The following NRCAM variants were observed in gnomAD, a reference collection of about 807,000 sequenced individuals.
The protein encoded by NRCAM is neuronal cell adhesion molecule.
A neutral mutation model predicts 156.5 loss-of-function variants in NRCAM; 83 were observed. The ratio of observed to expected loss-of-function variants is 0.53; its 90% CI spans 0.44 to 0.64. The LOEUF is 0.64. Among genes scored for constraint, NRCAM ranks in the 30% least tolerant of loss-of-function variants. The probability of loss-of-function intolerance (pLI) is 0.00; values close to 1 mark genes in which losing one functional copy is unlikely to be tolerated. For synonymous variants in NRCAM, 538 were observed against 563.9 expected (o/e 0.95, Z 0.65); for missense variants, 1,417 against 1,597.3 (o/e 0.89, Z 1.92).
chr7:108,264,158 A>G (rs2096993103), intron 3 of NRCAM, among the ~76,000 whole-genome samples: 1 of 14,736 alleles, frequency 6.8e-5, no homozygotes. Flanking sequence ...TTGTATTTTT[A>G]GTAGAGATAG....
chr7:108,395,216 C>T (rs1305311118), intron 2 of NRCAM, among the ~76,000 whole-genome samples: 1 of 152,200 alleles, frequency 6.6e-6, no homozygotes, highest in African/African-American at 2.4e-5. Context: ...TTCTCATTTT[C>T]ATGAGTAGCA....
At chr7:108,165,070 A>G (rs2053000627) in intron 30 of NRCAM, among the ~76,000 whole-genome samples, 1 of 152,214 alleles carries the variant, frequency 6.6e-6, no homozygotes, top group Admixed American at 6.5e-5. Context: ...TTTTAACAAC[A>G]GGTCATTTTT....
At chr7:108,303,148 G>A (rs1051900019) in intron 3 of NRCAM, among the ~76,000 whole-genome samples, 1 of 152,036 alleles carries the variant, frequency 6.6e-6, no homozygotes, top group Non-Finnish European at 1.5e-5. Context: ...TTTTAGTAGA[G>A]ATGGGGTTTC....
chr7:108,286,248 G>A (rs542318634), intron 3 of NRCAM, among the ~76,000 whole-genome samples: 43 of 152,302 alleles, frequency 2.8e-4, no homozygotes, highest in Non-Finnish European at 5.1e-4. Context: ...AGGGACAGGT[G>A]TGGCCAGCAG....
chr7:108,431,830 C>CA (rs761987178), intron 1 of NRCAM, among the ~76,000 whole-genome samples: 1 of 152,096 alleles, frequency 6.6e-6, no homozygotes, highest in Non-Finnish European at 1.5e-5. Flanking sequence ...AAGCATAACC[C>CA]AAAATGGGAC....
rs566185059 is a variant in NRCAM at position 108,319,171 on chromosome 7, G to T, written c.-173-6440C>A. The stretch of plus-strand genomic sequence containing the variant: ...TATATATTTTACCACAATAAAAAAG[G>T]AAAACATGGCTATAAACTTCCTTCC... On this transcript the variant is annotated intron_variant, in intron 2 of 32. Transcript: ENST00000379028. Among the ~76,000 whole-genome samples the T allele has an allele frequency of 1.2e-4, 19 of 152,250 alleles. No individual in the cohort carries two copies. The South Asian group carries it at 2.7e-3, about 22-fold the overall frequency.
intron 1 of NRCAM, among the ~76,000 whole-genome samples, chr7:108,420,039 C>CGTGTGTGTGT (rs35840496): frequency 1.2e-3 from 177 of 146,742 alleles, no homozygotes; most frequent in South Asian, 3.5e-3. Flanking sequence ...TTAGTTCCAT[C>CGTGTGTGTGT]GTGTGTGTGT....
intron 3 of NRCAM, among the ~76,000 whole-genome samples, chr7:108,275,535 T>C (rs1325992847): frequency 6.6e-6 from 1 of 152,234 alleles, no homozygotes. Context: ...GAGGTGTTTA[T>C]AGTATTCTCT....
At chr7:108,264,062 C>G (rs758237059) in intron 3 of NRCAM, among the ~76,000 whole-genome samples, 16 of 152,194 alleles carry the variant, frequency 1.1e-4, no homozygotes, top group African/African-American at 1.9e-4. Flanking sequence ...ACTGCAACCT[C>G]TGTCTCCCGA....
chr7:108,160,051 G>C (rs1462285934), intron 31 of NRCAM, among the ~76,000 whole-genome samples: 1 of 152,126 alleles, frequency 6.6e-6, no homozygotes, highest in Non-Finnish European at 1.5e-5. Context: ...AACCTTCCCT[G>C]CAACTCTCTC....
chr7:108,227,788 T>C (rs961923727), intron 8 of NRCAM, among the ~76,000 whole-genome samples: 1 of 152,248 alleles, frequency 6.6e-6, no homozygotes, highest in Admixed American at 6.5e-5. Flanking sequence ...GCAGTGTAAG[T>C]CAAGCAGGTC....
chr7:108,279,555 G>A (rs1237944011), intron 3 of NRCAM, among the ~76,000 whole-genome samples: 2 of 151,760 alleles, frequency 1.3e-5, no homozygotes, highest in Admixed American at 6.6e-5. Context: ...ATCTTGCTCC[G>A]TTACCCAGGC....
intron 1 of NRCAM, among the ~76,000 whole-genome samples, chr7:108,421,247 A>C (rs1487318552): frequency 6.6e-6 from 1 of 152,216 alleles, no homozygotes; most frequent in Non-Finnish European, 1.5e-5. Flanking sequence ...GAATAGGCTG[A>C]AAGCATTAGG....
chr7:108,278,197 G>C (rs10464622), intron 3 of NRCAM, among the ~76,000 whole-genome samples: 1 of 152,218 alleles, frequency 6.6e-6, no homozygotes, highest in Non-Finnish European at 1.5e-5. Flanking sequence ...CAGGGGTCAG[G>C]GACCCACTGG....
intron 31 of NRCAM, among the ~76,000 whole-genome samples, chr7:108,159,892 G>A (rs1408389011): frequency 1.3e-5 from 2 of 149,680 alleles, no homozygotes; most frequent in Non-Finnish European, 3.0e-5. Context: ...TTTTTTTCTT[G>A]TCACTGAAGG....
At chr7:108,263,122 G>A (rs550049855) in intron 3 of NRCAM, among the ~76,000 whole-genome samples, 1 of 152,086 alleles carries the variant, frequency 6.6e-6, no homozygotes. Flanking sequence ...TCATCCCTAC[G>A]GCCCCCACAG....
chr7:108,226,158 C>T (rs1051399235), intron 9 of NRCAM, 50 bp downstream of exon 9: 2 of 1,340,946 alleles, frequency 1.5e-6, no homozygotes, highest in African/African-American at 2.9e-5. Context: ...ATATTTTGCA[C>T]ATATTTGTAA....
chr7:108,385,403 A>G (rs929954549), intron 2 of NRCAM, among the ~76,000 whole-genome samples: 3 of 152,206 alleles, frequency 2.0e-5, no homozygotes, highest in African/African-American at 7.2e-5. Context: ...GATGTGACAC[A>G]AAAATGTGGG....
At chr7:108,306,234 G>A (rs1303759371) in intron 3 of NRCAM, among the ~76,000 whole-genome samples, 1 of 152,104 alleles carries the variant, frequency 6.6e-6, no homozygotes, top group Admixed American at 6.5e-5. Context: ...TTCATGCCAA[G>A]ATTTAAGAGC....
Sources: gnomAD v4.1 joint callset for allele counts (sites outside exome capture counted in the v4.1 genomes callset) on GRCh38, gnomAD v4.1.1 for gene constraint, MANE v1.5 for transcripts, NCBI Gene and HGNC (gene_info 2026-07-23, HGNC 2026-07-21) for gene names.